TCERG1: variants seen among roughly 807,000 people sequenced by gnomAD.
TCERG1 encodes transcription elongation regulator 1, also known as TATA box binding protein (TBP)-associated factor, RNA polymerase II, S, 150kD.
TCERG1 carries 37 observed loss-of-function variants against 144.7 expected under a neutral mutation model. That is an observed-to-expected ratio of 0.26 (90% CI 0.20 to 0.34). The LOEUF (loss-of-function observed/expected upper bound fraction) is 0.34. Ranked by LOEUF, TCERG1 falls within the 10% of genes least tolerant of loss-of-function variation. The pLI, the probability that TCERG1 is intolerant of heterozygous loss-of-function variation, is 1.00. For synonymous variants in TCERG1, 492 were observed against 458.2 expected, an observed-to-expected ratio of 1.07 and a Z score of -0.94; for missense variants, 1,027 against 1,380.7, an observed-to-expected ratio of 0.74 and a Z score of 4.06.
rs777657722 is a variant in TCERG1 at position 146,459,041 on chromosome 5, C to T, written c.596C>T (p.Ala199Val). 4 of 1,610,462 alleles carry T rather than the reference C, an allele frequency of 2.5e-6. No individual in the cohort carries two copies. The African/African-American group carries it at 4.0e-5, about 16-fold the overall frequency. Reference protein sequence around the residue: ...AQAQAQAQAQAQAQAQAQAQA... With the variant: ...AQAQAQAQAQVQAQAQAQAQA... ...GCTCAGGCCCAGGCGCAGGCTCAGG[C>T]CCAGGCACAAGCTCAGGCCCAGGCT... The change falls in exon 4 of 23, where the codon GCC (alanine) becomes GTC (valine). Residue 199 changes from alanine (A) to valine (V), a missense_variant. Coordinates refer to ENST00000679501, the MANE Select transcript of TCERG1 (RefSeq NM_001382548.1).
intron 13 of TCERG1, 66 bp downstream of exon 13, chr5:146,481,266 A>G: frequency 1.3e-6 from 1 of 789,036 alleles, no homozygotes; most frequent in Non-Finnish European, 1.5e-6. Context: ...TGAGATAGAT[A>G]GTGATAGTTT....
At chr5:146,486,783 G>A (rs931967017) in intron 15 of TCERG1, among the ~76,000 whole-genome samples, 3 of 152,076 alleles carry the variant, frequency 2.0e-5, no homozygotes, top group Non-Finnish European at 2.9e-5. Flanking sequence ...TCTTAGAACT[G>A]ATAAATTCAG....
In TCERG1 at chr5:146,481,184, C is replaced by G; in HGVS notation, c.1921C>G (p.Arg641Gly). The G allele has an allele frequency of 2.0e-6, 2 of 985,142 alleles. No homozygotes were observed. Among genetic ancestry groups the G allele is most frequent in the Non-Finnish European group, 2.4e-6 (2 of 829,872 alleles). 61.0% of individuals were successfully genotyped at this position (985,142 alleles called of 1,614,324 possible). Reference sequence around the variant, plus strand: ...AAAGAAGTCCTTTATGTGGATTGCCCGAGCTTCTCTATTTAGGTACAAAGC... The same window carrying G: ...AAAGAAGTCCTTTATGTGGATTGCCGGAGCTTCTCTATTTAGGTACAAAGC... The part of the protein sequence containing the change: ...MSKKSFMWIA[R>G]ASLFRRDDNK... The change falls in exon 13 of 23, where the codon CGA (arginine) becomes GGA (glycine). Residue 641 changes from arginine to glycine, a missense_variant. This residue lies in a region of TCERG1 where 482 missense variants were observed against 632.6 expected (regional missense o/e 0.76). Coordinates refer to ENST00000679501, the MANE Select transcript of TCERG1 (RefSeq NM_001382548.1).
At chr5:146,487,954 A>G (rs970740398) in intron 15 of TCERG1, among the ~76,000 whole-genome samples, 1 of 152,166 alleles carries the variant, frequency 6.6e-6, no homozygotes. Flanking sequence ...CCATATATCT[A>G]TAGGCAACTT....
At chr5:146,455,033 T>G (rs1385079535) in intron 1 of TCERG1, 23 bp from the exon 2 acceptor site, 3 of 1,609,620 alleles carry the variant, frequency 1.9e-6, no homozygotes, top group African/African-American at 1.3e-5. Context: ...AAAGAAAAAT[T>G]TATTCCTTGC....
At chr5:146,464,955 T>A (rs1318916013) in intron 5 of TCERG1, among the ~76,000 whole-genome samples, 14 of 152,302 alleles carry the variant, frequency 9.2e-5, no homozygotes, top group East Asian at 5.8e-4. Context: ...GTTTTTTTTT[T>A]AATTTGGAAA....
intron 15 of TCERG1, among the ~76,000 whole-genome samples, chr5:146,491,575 C>A (rs1057155764): frequency 3.9e-5 from 6 of 152,154 alleles, no homozygotes; most frequent in African/African-American, 1.4e-4. Context: ...GACTTCTAAT[C>A]TGGCTGGAGG....
At position 146,507,043 on chromosome 5, in the gene TCERG1, G is replaced by A; in HGVS notation, c.2797G>A (p.Val933Met). The change falls in exon 20 of 23, where the codon GTG (valine) becomes ATG (methionine). Residue 933 changes from valine (V) to methionine (M), a missense_variant. Val to Met is a conservative substitution (Grantham distance 21). This residue lies in a region of TCERG1 where 133 missense variants were observed against 283.2 expected (regional missense o/e 0.47). Coordinates refer to ENST00000679501, the MANE Select transcript of TCERG1 (RefSeq NM_001382548.1). The surrounding 1 kb of genome is among the most constrained non-coding windows in gnomAD (Gnocchi z 4.6). ...LLSDMVRSSD[V>M]SWSDTRRTLR... ...TTCTCTTCAGGTACGTTCTTCAGAT[G>A]TGTCATGGTCTGATACTCGTAGGAC... 2 of 1,579,498 alleles carry A rather than the reference G, an allele frequency of 1.3e-6. No individual in the cohort carries two copies. Among genetic ancestry groups the A allele is most frequent in the Non-Finnish European group, 1.7e-6 (2 of 1,169,152 alleles).
chr5:146,472,933 T>G (rs1764479319), intron 9 of TCERG1, among the ~76,000 whole-genome samples: 1 of 152,268 alleles, frequency 6.6e-6, no homozygotes, highest in South Asian at 2.1e-4. Context: ...CAGGATGGTC[T>G]CGATCTCCTG....
chr5:146,489,919 CTA>C (rs1004406494), intron 15 of TCERG1, among the ~76,000 whole-genome samples: 1 of 152,124 alleles, frequency 6.6e-6, no homozygotes, highest in Non-Finnish European at 1.5e-5. Flanking sequence ...CCCTAATTTT[CTA>C]TGAGATATTA....
At position 146,464,392 on chromosome 5, in the gene TCERG1, A is replaced by G. The variant is rs986363355; in HGVS notation, c.1135+599A>G. ...GTGATTTAACTATAAAACAATTCATATAAAACAGGAACTAGAAGGTTCCCT... is the reference window on the plus strand; with the variant it reads ...GTGATTTAACTATAAAACAATTCATGTAAAACAGGAACTAGAAGGTTCCCT... On this transcript the variant is annotated intron_variant, in intron 5 of 22. Coordinates refer to ENST00000679501, the MANE Select transcript of TCERG1 (RefSeq NM_001382548.1). Among the ~76,000 whole-genome samples the G allele has an allele frequency of 3.9e-5, 6 of 152,380 alleles. No individual in the cohort carries two copies. In the East Asian group the frequency reaches 9.6e-4, roughly 24 times the overall value.
At chr5:146,452,579 CTCTTTATTT>C (rs1762449971) in intron 1 of TCERG1, among the ~76,000 whole-genome samples, 1 of 152,070 alleles carries the variant, frequency 6.6e-6, no homozygotes, top group Non-Finnish European at 1.5e-5. Context: ...TTTGAATCCT[CTCTTTATTT>C]TCTTTATTTA....
intron 12 of TCERG1, 109 bp downstream of exon 12, chr5:146,480,203 T>C (rs1765224606): frequency 2.6e-6 from 2 of 767,570 alleles, no homozygotes; most frequent in Non-Finnish European, 4.2e-6. Context: ...TTAGGAGGCA[T>C]GATTGCTCTC....
At position 146,481,165 on chromosome 5, in the gene TCERG1, G is replaced by A; in HGVS notation, c.1902G>A (p.Lys634=). The A allele has an allele frequency of 1.0e-6, 1 of 985,290 alleles. No homozygotes were observed. Among genetic ancestry groups the A allele is most frequent in the Non-Finnish European group, 1.2e-6 (1 of 829,868 alleles). The allele number at this position is 985,290 out of a possible 1,614,324, so 61.0% of individuals were successfully genotyped here. A position where few individuals can be genotyped will look rare whatever the true frequency, so the allele number is the denominator to read the frequency against. ...KAKKRKRMSK[K]SFMWIARASL... is the part of the protein sequence containing the mutation. ...CTTTTATCAGGAGAATGTCAAAGAA[G>A]TCCTTTATGTGGATTGCCCGAGCTT... Residue 634 remains lysine (K), a synonymous_variant, in exon 13 of 23, where the codon AAG becomes AAA. Transcript: ENST00000679501.
At chr5:146,447,786 C>G (rs1220876249) in intron 1 of TCERG1, among the ~76,000 whole-genome samples, 1 of 152,280 alleles carries the variant, frequency 6.6e-6, no homozygotes, top group Non-Finnish European at 1.5e-5. Context: ...CCTGATTTTC[C>G]TCATCGACGT....
At chr5:146,474,591 T>C (rs1764653921) in intron 9 of TCERG1, among the ~76,000 whole-genome samples, 2 of 152,174 alleles carry the variant, frequency 1.3e-5, no homozygotes, top group Non-Finnish European at 2.9e-5. Context: ...GAGAAATCTT[T>C]TGCGAAAGGG....
intron 9 of TCERG1, 126 bp downstream of exon 9, chr5:146,471,702 G>A (rs538285847): frequency 2.6e-5 from 16 of 616,724 alleles, no homozygotes; most frequent in South Asian, 2.1e-4. Context: ...TAGTTCAAGC[G>A]ATTCTCCTGC....
intron 15 of TCERG1, among the ~76,000 whole-genome samples, chr5:146,490,343 T>C (rs1033414382): frequency 9.2e-5 from 14 of 152,214 alleles, no homozygotes; most frequent in Non-Finnish European, 7.3e-5. Context: ...GTACTTGTTA[T>C]AAAGATGTTC....
At chr5:146,509,995 TC>T (rs754963012) in intron 22 of TCERG1, 70 of 1,254,158 alleles carry the variant, frequency 5.6e-5, no homozygotes, top group Non-Finnish European at 7.2e-5. Flanking sequence ...TTGGTCAGGA[TC>T]CTTAATGTTT....
Sources: allele counts gnomAD v4.1 joint callset (sites outside exome capture counted in the v4.1 genomes callset), GRCh38; gene constraint gnomAD v4.1.1; regional missense constraint gnomAD v4.1.1; non-coding constraint Gnocchi (gnomAD v3.1); transcripts MANE v1.5; gene names NCBI Gene and HGNC (gene_info 2026-07-23, HGNC 2026-07-21).